The following DUSP8 variants were observed in gnomAD, a reference collection of about 807,000 sequenced individuals.
DUSP8 encodes dual specificity phosphatase 8.
DUSP8 carries 15 observed loss-of-function variants against 38.7 expected under a neutral mutation model. The observed-to-expected ratio is 0.39, with a 90% confidence interval of 0.26 to 0.60. The LOEUF is 0.60. DUSP8 is among the 20% of genes least tolerant of loss of function. The pLI is 0.56. For synonymous variants in DUSP8, 458 were observed against 433.9 expected, an observed-to-expected ratio of 1.06 and a Z score of -0.69; for missense variants, 768 against 915.0, an observed-to-expected ratio of 0.84 and a Z score of 2.07.
rs1430147576 is a variant in DUSP8 at position 1,558,776 on chromosome 11, A to G, written c.537+113T>C. The G allele has an allele frequency of 7.7e-7, 1 of 1,303,082 alleles. No homozygotes were observed. The highest frequency in any genetic ancestry group is 1.5e-5 in the African/African-American group (1 of 66,858). The allele number at this position is 1,303,082 out of a possible 1,614,324, so 80.7% of individuals were successfully genotyped here. A position where few individuals can be genotyped will look rare whatever the true frequency, so the allele number is the denominator to read the frequency against. ...CCCATGCTTCTCCCACACCCAGCTC[A>G]TCCACTGCCTTCAGCTCCTTTCCTC... On this transcript the variant is annotated intron_variant, in intron 4 of 6. Coordinates refer to ENST00000397374, the MANE Select transcript of DUSP8 (RefSeq NM_004420.3). This position sits in a 1 kb window ranked among gnomAD's most constrained non-coding sequence, Gnocchi z 6.3.
At chr11:1,566,525 G>A (rs1214267649) in intron 1 of DUSP8, among the ~76,000 whole-genome samples, 1 of 152,208 alleles carries the variant, frequency 6.6e-6, no homozygotes, top group African/African-American at 2.4e-5. Flanking sequence ...CCCGGGGGCA[G>A]CCGGATAGCA....
intron 2 of DUSP8, 91 bp from the exon 3 acceptor site, chr11:1,564,080 G>C: frequency 1.5e-6 from 2 of 1,344,000 alleles, no homozygotes; most frequent in South Asian, 3.8e-5. Flanking sequence ...GGAATAGTAA[G>C]GGCATCAGAT....
At chr11:1,564,676 A>G (rs1338971643) in intron 2 of DUSP8, among the ~76,000 whole-genome samples, 1 of 152,140 alleles carries the variant, frequency 6.6e-6, no homozygotes, top group Non-Finnish European at 1.5e-5. Flanking sequence ...TGAGCCGCCA[A>G]CCCTGGGCTG....
rs1848651919 is a variant in DUSP8 at position 1,557,391 on chromosome 11, A to G, written c.1005T>C (p.Pro335=). Residue 335 remains proline (P), a synonymous_variant, in exon 7 of 7, where the codon CCT becomes CCC. Transcript: ENST00000397374. This position sits in a 1 kb window ranked among gnomAD's most constrained non-coding sequence, Gnocchi z 9.9. ...AGAPLPRLPP[P]TSESAATGNA... is the part of the protein sequence containing the mutation. ...TCCCTGTGGCAGCGCTCTCTGAGGT[A>G]GGTGGTGGCAGCCGTGGCAGCGGGG... 3 of 1,570,242 alleles carry G rather than the reference A, an allele frequency of 1.9e-6. No homozygotes were observed. The highest frequency in any genetic ancestry group is 1.8e-5 in the Admixed American group (1 of 56,250).
At chr11:1,562,647 A>C (rs1235341577) in intron 3 of DUSP8, among the ~76,000 whole-genome samples, 4 of 152,156 alleles carry the variant, frequency 2.6e-5, no homozygotes, top group African/African-American at 9.7e-5. Context: ...GCATATGCCC[A>C]TACATGCACA....
chr11:1,559,373 C>T (rs74049251), intron 3 of DUSP8: 5,449 of 380,952 alleles, frequency 0.014, 270 homozygotes, highest in African/African-American at 0.11. Context: ...CATCACGGCA[C>T]GCGCTGGGCC....
chr11:1,561,322 G>A (rs948081224), intron 3 of DUSP8, among the ~76,000 whole-genome samples: 1 of 152,188 alleles, frequency 6.6e-6, no homozygotes, highest in Non-Finnish European at 1.5e-5. Flanking sequence ...TGTGTACCAG[G>A]ACATGTGCCT....
chr11:1,561,889 G>A (rs1564934291), intron 3 of DUSP8, among the ~76,000 whole-genome samples: 1 of 152,208 alleles, frequency 6.6e-6, no homozygotes, highest in Non-Finnish European at 1.5e-5. Flanking sequence ...GCCCACCACA[G>A]GGTGGGAGGG....
At position 1,572,231 on chromosome 11, in the gene DUSP8, C is replaced by T. The variant is rs1406830585; in HGVS notation, c.-439G>A. ...GGGCGTCCGGCGTCCGGCGGGGCGT[C>T]GTGGGGGGAGCCGGCTCGGCCGCCG... On this transcript the variant is annotated 5_prime_UTR_variant, in exon 1 of 7. Coordinates refer to ENST00000397374, the MANE Select transcript of DUSP8 (RefSeq NM_004420.3). The surrounding 1 kb of genome is among the most constrained non-coding windows in gnomAD (Gnocchi z 4.7). Among the ~76,000 whole-genome samples, 2 of 145,136 alleles carry T rather than the reference C, an allele frequency of 1.4e-5. No individual in the cohort carries two copies. The highest frequency in any genetic ancestry group is 3.0e-5 in the Non-Finnish European group (2 of 65,596).
rs750387823 is a variant in DUSP8 at position 1,557,332 on chromosome 11, C to T, written c.1064G>A (p.Gly355Asp). ...AAAREGGLSA[G>D]GEPPAPPTPP... ...CGTGGGGGGCGCGGGGGGCTCCCCG[C>T]CCGCGCTCAGGCCGCCCTCCCTGGC... The change falls in exon 7 of 7, where the codon GGC becomes GAC. Residue 355 changes from glycine to aspartate, a missense_variant. Transcript: ENST00000397374. The surrounding 1 kb of genome is among the most constrained non-coding windows in gnomAD (Gnocchi z 9.9). The T allele has an allele frequency of 1.3e-6, 2 of 1,520,820 alleles. No homozygotes were observed. Among genetic ancestry groups the T allele is most frequent in the East Asian group, 2.6e-5 (1 of 38,980 alleles). 94.2% of individuals were successfully genotyped at this position (1,520,820 alleles called of 1,614,324 possible). A position where few individuals can be genotyped will look rare whatever the true frequency, so the allele number is the denominator to read the frequency against.
chr11:1,563,989 C>G lies in DUSP8; in HGVS notation c.232G>C (p.Val78Leu). The G allele has an allele frequency of 6.8e-7, 1 of 1,467,522 alleles. No individual in the cohort carries two copies. Among genetic ancestry groups the G allele is most frequent in the Non-Finnish European group, 9.1e-7 (1 of 1,100,302 alleles). The allele number at this position is 1,467,522 out of a possible 1,614,324, so 90.9% of individuals were successfully genotyped here. ...ELIQPAARSQ[V>L]EATEPQDVVV... is the part of the protein sequence containing the mutation. ...ACGTCCTGTGGCTCCGTAGCCTCCA[C>G]CTGGGGGCCATGGGGCAGAGATCAG... is the stretch of plus-strand genomic sequence containing the variant. Residue 78 changes from valine (V) to leucine (L), a missense_variant and splice_region_variant, in exon 3 of 7, where the codon GTG becomes CTG. Val to Leu is a conservative substitution (Grantham distance 32). Transcript: ENST00000397374.
At chr11:1,564,110 T>C (rs1048992704) in intron 2 of DUSP8, 121 bp from the exon 3 acceptor site, 2 of 1,234,420 alleles carry the variant, frequency 1.6e-6, no homozygotes, top group Non-Finnish European at 2.1e-6. Context: ...CAGGCAGCTG[T>C]CACCTTGCTG....
intron 1 of DUSP8, among the ~76,000 whole-genome samples, chr11:1,566,542 TG>T (rs766192070): frequency 1.3e-4 from 19 of 151,978 alleles, no homozygotes; most frequent in Non-Finnish European, 2.4e-4. Flanking sequence ...AGCAGGCGGG[TG>T]CGGGAGGGGC....
chr11:1,565,603 C>A lies in DUSP8; in HGVS notation c.224G>T (p.Arg75Leu). 2 of 1,601,796 alleles carry A rather than the reference C, an allele frequency of 1.2e-6. No homozygotes were observed. Among genetic ancestry groups the A allele is most frequent in the African/African-American group, 1.3e-5 (1 of 74,886 alleles). The change falls in exon 2 of 7, where the codon CGC becomes CTC. Residue 75 changes from arginine to leucine, a missense_variant. Physicochemically the swap from Arg to Leu is moderately radical, Grantham distance 102. This residue lies in a region of DUSP8 where 252 missense variants were observed against 410.4 expected (regional missense o/e 0.61). Transcript: ENST00000397374. Reference protein sequence around the residue: ...TIAELIQPAARSQVEATEPQD... With the variant: ...TIAELIQPAALSQVEATEPQD... ...GGGCAGTGGGCTGGGTACCTGGCTGCGTGCAGCCGGCTGGATGAGCTCCGC... is the reference window on the plus strand; with the variant it reads ...GGGCAGTGGGCTGGGTACCTGGCTGAGTGCAGCCGGCTGGATGAGCTCCGC...
At chr11:1,564,230 C>T (rs1848766902) in intron 2 of DUSP8, among the ~76,000 whole-genome samples, 1 of 152,238 alleles carries the variant, frequency 6.6e-6, no homozygotes, top group Non-Finnish European at 1.5e-5. Flanking sequence ...GGGTGGACTC[C>T]TGCCCTGCGC....
At chr11:1,565,959 C>T (rs1355520549) in intron 1 of DUSP8, 25 bp from the exon 2 acceptor site, 32 of 767,200 alleles carry the variant, frequency 4.2e-5, no homozygotes, top group Non-Finnish European at 1.3e-5. Context: ...GGATGGTCAG[C>T]AGTGCTGCGG....
intron 1 of DUSP8, chr11:1,571,326 C>G (rs1180220980): frequency 1.3e-5 from 2 of 152,242 alleles, no homozygotes; most frequent in African/African-American, 4.8e-5. Flanking sequence ...CCTCAGGGGC[C>G]GGCTGGGCAC....
chr11:1,558,055 A>G lies in DUSP8; in HGVS notation c.697+57T>C. 1.2e-6 allele frequency: 2 copies of G among 1,611,526 alleles called. No individual in the cohort carries two copies. The highest frequency in any genetic ancestry group is 1.7e-5 in the Admixed American group (1 of 60,022). On this transcript the variant is annotated intron_variant, in intron 5 of 6. Transcript: ENST00000397374. The surrounding 1 kb of genome is among the most constrained non-coding windows in gnomAD (Gnocchi z 6.3). ...GGACCCCTCCTGTGTCTGTGGCCAC[A>G]CACAGCTCTAGCCTTCCTCTAGCCA...
chr11:1,559,360 G>T (rs750506614), intron 3 of DUSP8: 10 of 339,640 alleles, frequency 2.9e-5, no homozygotes, highest in Admixed American at 5.0e-5. Flanking sequence ...TGAGGTGGCT[G>T]GCCATCACGG....
Sources: gnomAD v4.1 joint callset for allele counts (sites outside exome capture counted in the v4.1 genomes callset) on GRCh38, gnomAD v4.1.1 for gene constraint, gnomAD v4.1.1 regional missense constraint, Gnocchi (gnomAD v3.1) non-coding constraint, MANE v1.5 for transcripts, NCBI Gene and HGNC (gene_info 2026-07-23, HGNC 2026-07-21) for gene names.